GLI2: variants seen among roughly 807,000 people sequenced by gnomAD.
GLI2 encodes GLI family zinc finger 2.
A neutral mutation model predicts 78.9 loss-of-function variants in GLI2; 22 were observed. That is an observed-to-expected ratio of 0.28 (90% CI 0.20 to 0.40). The LOEUF is 0.40. GLI2 is among the 10% of genes least tolerant of loss of function. GLI2 has a pLI of 1.00. For synonymous variants in GLI2, 974 were observed against 963.7 expected (o/e 1.01, Z -0.20); for missense variants, 2,097 against 2,213.2 (o/e 0.95, Z 1.05).
intron 8 of GLI2, among the ~76,000 whole-genome samples, chr2:120,972,505 C>T (rs1231662874): frequency 2.0e-5 from 3 of 152,202 alleles, no homozygotes; most frequent in Non-Finnish European, 4.4e-5. Flanking sequence ...CCTGATTCTC[C>T]TGGGTGATAG....
At chr2:120,819,854 C>A (rs1665698733) in intron 2 of GLI2, among the ~76,000 whole-genome samples, 1 of 152,178 alleles carries the variant, frequency 6.6e-6, no homozygotes, top group African/African-American at 2.4e-5. Context: ...GAAGTCATTT[C>A]CAGATACTTC....
intron 2 of GLI2, among the ~76,000 whole-genome samples, chr2:120,809,901 A>G (rs1685156198): frequency 6.6e-6 from 1 of 151,968 alleles, no homozygotes; most frequent in Non-Finnish European, 1.5e-5. Flanking sequence ...TCACCAGATT[A>G]CATCCTCCTT....
At chr2:120,951,156 G>C (rs536400122) in intron 3 of GLI2, 87 bp from the exon 4 acceptor site, 12 of 805,580 alleles carry the variant, frequency 1.5e-5, no homozygotes, top group Non-Finnish European at 2.7e-5. Flanking sequence ...TTCCAGGAGA[G>C]ACAAGGACTG....
rs141018288 is a variant in GLI2 at position 120,759,240 on chromosome 2, C to A, written c.-31+22955C>A. Among the ~76,000 whole-genome samples, 4 of 152,254 alleles carry A rather than the reference C, an allele frequency of 2.6e-5. No individual in the cohort carries two copies. In the East Asian group the frequency reaches 7.7e-4, roughly 29 times the overall value. ...AAGCAAGCACTTCTGCCGTGAATAC[C>A]AGCTAGGTGTCCTCCAATTCAATTC... On this transcript the variant is annotated intron_variant, in intron 1 of 13. Coordinates refer to ENST00000361492, the MANE Select transcript of GLI2 (RefSeq NM_001374353.1).
chr2:120,939,592 T>C (rs6541749), intron 3 of GLI2, among the ~76,000 whole-genome samples: 128,243 of 152,054 alleles, frequency 0.84, 57,786 homozygotes, highest in East Asian at 1. Context: ...CTTGCTTTCA[T>C]ACTCCACGTT....
chr2:120,968,795 G>A lies in GLI2; in HGVS notation c.725G>A (p.Ser242Asn). Reference protein sequence around the residue: ...ALSISPLSDASLDLQRMIRTS... With the variant: ...ALSISPLSDANLDLQRMIRTS... ...TCCATCTCCCCACTCTCAGACGCCA[G>A]CCTGGACCTGCAGCGGATGATCCGC... Residue 242 changes from serine (S) to asparagine (N), a missense_variant, in exon 6 of 14, where the codon AGC (serine) becomes AAC (asparagine). Coordinates refer to ENST00000361492, the MANE Select transcript of GLI2 (RefSeq NM_001374353.1). 6.2e-7 allele frequency: 1 copy of A among 1,613,794 alleles called. No homozygotes were observed. The highest frequency in any genetic ancestry group is 1.1e-5 in the South Asian group (1 of 91,070).
intron 2 of GLI2, among the ~76,000 whole-genome samples, chr2:120,857,867 ACTCTGCTTGTTTCTCCTC>A (rs1687734938): frequency 2.8e-5 from 4 of 141,842 alleles, no homozygotes; most frequent in Admixed American, 7.8e-5. Flanking sequence ...ATTTTCTGAT[ACTCTGCTTGTTTCTCCTC>A]GTGGCCCACT....
intron 2 of GLI2, among the ~76,000 whole-genome samples, chr2:120,829,361 T>C (rs573781126): frequency 2.8e-3 from 433 of 152,320 alleles, no homozygotes; most frequent in Admixed American, 4.5e-3. Flanking sequence ...CCAGGGTTAA[T>C]GTCTTTCTGA....
intron 2 of GLI2, among the ~76,000 whole-genome samples, chr2:120,828,842 A>G (rs1253070840): frequency 3.0e-5 from 4 of 133,322 alleles, no homozygotes; most frequent in African/African-American, 8.5e-5. Context: ...TTCTCTGCTG[A>G]GGCCGTGACT....
At chr2:120,803,390 T>C (rs1300503001) in intron 2 of GLI2, among the ~76,000 whole-genome samples, 1 of 152,214 alleles carries the variant, frequency 6.6e-6, no homozygotes, top group Admixed American at 6.5e-5. Flanking sequence ...GAGGTCCAAG[T>C]TGAGTATTTG....
At chr2:120,747,701 T>G (rs1159526889) in intron 1 of GLI2, among the ~76,000 whole-genome samples, 1 of 152,120 alleles carries the variant, frequency 6.6e-6, no homozygotes, top group Non-Finnish European at 1.5e-5. Flanking sequence ...GCAGTGCTGC[T>G]CTCCAGAAAC....
At chr2:120,839,842 C>A (rs1160523720) in intron 2 of GLI2, among the ~76,000 whole-genome samples, 1 of 152,348 alleles carries the variant, frequency 6.6e-6, no homozygotes, top group East Asian at 1.9e-4. Context: ...GGATTACAGG[C>A]GTGAGCCACT....
intron 2 of GLI2, among the ~76,000 whole-genome samples, chr2:120,868,419 C>T (rs1296248519): frequency 2.0e-5 from 3 of 152,174 alleles, no homozygotes; most frequent in East Asian, 3.9e-4. Flanking sequence ...CAACATCTAT[C>T]GAATCTTTCT....
chr2:120,784,586 G>A (rs1367450746), intron 1 of GLI2, among the ~76,000 whole-genome samples: 5 of 152,052 alleles, frequency 3.3e-5, no homozygotes, highest in Admixed American at 3.3e-4. Flanking sequence ...GGGGAGTCCC[G>A]AGGGGTAAGC....
At chr2:120,890,605 TG>T (rs1677633187) in intron 2 of GLI2, among the ~76,000 whole-genome samples, 2 of 152,168 alleles carry the variant, frequency 1.3e-5, no homozygotes, top group African/African-American at 4.8e-5. Context: ...AAGACATGAT[TG>T]GGGAAATCTA....
rs890344542 is a variant in GLI2, at chr2:120,876,127, G to A, written c.149-51234G>A. 3.3e-5 allele frequency among the ~76,000 whole-genome samples: 5 copies of A among 152,174 alleles called. No homozygotes were observed. In the South Asian group the frequency reaches 1.0e-3, roughly 31 times the overall value. On this transcript the variant is annotated intron_variant, in intron 2 of 13. Transcript: ENST00000361492. ...GAGGCCTAGGCGGGCAGATCACGAG[G>A]TCAGGAGATGGAGACCATCCTGGCT... is the stretch of plus-strand genomic sequence containing the variant.
chr2:120,978,336 G>T, intron 9 of GLI2, 98 bp from the exon 10 acceptor site: 1 of 1,359,260 alleles, frequency 7.4e-7, no homozygotes, highest in Non-Finnish European at 1.1e-6. Flanking sequence ...GTCGGGGAGG[G>T]CTGGGGGGGT....
intron 2 of GLI2, among the ~76,000 whole-genome samples, chr2:120,859,167 G>A (rs1026347447): frequency 1.3e-5 from 2 of 152,346 alleles, no homozygotes; most frequent in African/African-American, 2.4e-5. Flanking sequence ...TCTCCAAAAC[G>A]TCTGAAAATG....
At chr2:120,798,789 T>C (rs1303376238) in intron 2 of GLI2, among the ~76,000 whole-genome samples, 1 of 152,134 alleles carries the variant, frequency 6.6e-6, no homozygotes, top group Non-Finnish European at 1.5e-5. Context: ...GGAGCGGCCC[T>C]GGTCCTGGGG....
Sources: gnomAD v4.1 joint callset for allele counts (sites outside exome capture counted in the v4.1 genomes callset) on GRCh38, gnomAD v4.1.1 for gene constraint, MANE v1.5 for transcripts, NCBI Gene and HGNC (gene_info 2026-07-23, HGNC 2026-07-21) for gene names.